The following LRRC4C variants were observed in gnomAD, a reference collection of about 807,000 sequenced individuals.
LRRC4C encodes the protein leucine rich repeat containing 4C.
A neutral mutation model predicts 33.6 loss-of-function variants in LRRC4C; 5 were observed. The observed-to-expected ratio is 0.15, with a 90% CI of 0.08 to 0.31. The LOEUF (loss-of-function observed/expected upper bound fraction) is 0.31, where lower values mean the gene tolerates loss of function less well. LRRC4C is among the 10% of genes least tolerant of loss of function. LRRC4C has a pLI of 1.00. For synonymous variants in LRRC4C, 329 were observed against 302.0 expected, an observed-to-expected ratio of 1.09 and a Z score of -0.93; for missense variants, 560 against 796.7, an observed-to-expected ratio of 0.70 and a Z score of 3.58.
chr11:41,331,948 T>C (rs1381814367), intron 1 of LRRC4C, among the ~76,000 whole-genome samples: 1 of 152,216 alleles, frequency 6.6e-6, no homozygotes, highest in Non-Finnish European at 1.5e-5. Context: ...TAAAATTGCC[T>C]GCACTCCCAT....
intron 3 of LRRC4C, among the ~76,000 whole-genome samples, chr11:40,323,822 T>C (rs1850862267): frequency 6.6e-6 from 1 of 152,194 alleles, no homozygotes; most frequent in South Asian, 2.1e-4. Flanking sequence ...TAGAATAATA[T>C]GACATAGTCT....
chr11:40,963,994 C>T (rs940985657), intron 1 of LRRC4C, among the ~76,000 whole-genome samples: 1 of 151,456 alleles, frequency 6.6e-6, no homozygotes, highest in Non-Finnish European at 1.5e-5. Context: ...GGTAGGTGGT[C>T]TTGGATCATT....
chr11:41,417,638 C>T (rs1333689999), intron 1 of LRRC4C, among the ~76,000 whole-genome samples: 3 of 151,926 alleles, frequency 2.0e-5, no homozygotes, highest in Admixed American at 2.0e-4. Flanking sequence ...CAGCCCAGCC[C>T]TTAAAGGTTT....
At chr11:40,496,091 A>G (rs1358947141) in intron 3 of LRRC4C, among the ~76,000 whole-genome samples, 1 of 152,064 alleles carries the variant, frequency 6.6e-6, no homozygotes, top group Non-Finnish European at 1.5e-5. Flanking sequence ...TTGGCATCCC[A>G]AGTGCTAGGA....
chr11:40,816,263 T>C (rs1951701853), intron 2 of LRRC4C, among the ~76,000 whole-genome samples: 1 of 152,214 alleles, frequency 6.6e-6, no homozygotes, highest in East Asian at 1.9e-4. Context: ...AGCAAAAGCT[T>C]GACAATAGCT....
intron 1 of LRRC4C, among the ~76,000 whole-genome samples, chr11:40,960,322 T>A (rs1850889048): frequency 6.6e-6 from 1 of 151,832 alleles, no homozygotes; most frequent in Non-Finnish European, 1.5e-5. Context: ...TAATTAGATG[T>A]CAATGATATG....
At chr11:41,228,204 T>C (rs1330352354) in intron 1 of LRRC4C, among the ~76,000 whole-genome samples, 1 of 152,106 alleles carries the variant, frequency 6.6e-6, no homozygotes, top group Non-Finnish European at 1.5e-5. Flanking sequence ...ATCTCACCCT[T>C]TCTTTGGGTT....
intron 3 of LRRC4C, among the ~76,000 whole-genome samples, chr11:40,553,481 T>A (rs1043773310): frequency 6.6e-6 from 1 of 152,214 alleles, no homozygotes; most frequent in Non-Finnish European, 1.5e-5. Flanking sequence ...ATTTTCTCTA[T>A]TGTCACTATC....
intron 1 of LRRC4C, among the ~76,000 whole-genome samples, chr11:41,063,870 C>T (rs557246244): frequency 1.4e-4 from 21 of 152,228 alleles, no homozygotes; most frequent in Admixed American, 1.4e-3. Context: ...TCAATCAGAT[C>T]ATAGTAAGTG....
At chr11:41,387,006 C>G (rs1290525901) in intron 1 of LRRC4C, among the ~76,000 whole-genome samples, 1 of 151,658 alleles carries the variant, frequency 6.6e-6, no homozygotes, top group Admixed American at 6.6e-5. Flanking sequence ...CCTGTAAATT[C>G]CCAGTTGCTA....
intron 1 of LRRC4C, among the ~76,000 whole-genome samples, chr11:41,106,339 T>C (rs904645927): frequency 6.6e-6 from 1 of 151,990 alleles, no homozygotes; most frequent in African/African-American, 2.4e-5. Flanking sequence ...TGGTTAACTA[T>C]GCTAATAGCT....
At chr11:40,435,900 C>A (rs1355807956) in intron 3 of LRRC4C, among the ~76,000 whole-genome samples, 11 of 152,234 alleles carry the variant, frequency 7.2e-5, no homozygotes, top group African/African-American at 2.6e-4. Flanking sequence ...TTATTCTTAT[C>A]TTTCTGTGCT....
intron 1 of LRRC4C, among the ~76,000 whole-genome samples, chr11:41,342,769 A>G (rs558048027): frequency 2.0e-4 from 30 of 152,308 alleles, no homozygotes; most frequent in Admixed American, 8.5e-4. Flanking sequence ...GTATTTTGTC[A>G]TAAACAAGCC....
chr11:40,722,062 GT>G (rs1183660755), intron 2 of LRRC4C, among the ~76,000 whole-genome samples: 1 of 152,118 alleles, frequency 6.6e-6, no homozygotes, highest in African/African-American at 2.4e-5. Context: ...GTTGTATTAC[GT>G]TTTTACATCC....
chr11:40,966,208 G>A (rs1178472114), intron 1 of LRRC4C, among the ~76,000 whole-genome samples: 1 of 151,830 alleles, frequency 6.6e-6, no homozygotes, highest in East Asian at 1.9e-4. Context: ...TCAATACAGT[G>A]CAACATGTCA....
intron 5 of LRRC4C, among the ~76,000 whole-genome samples, chr11:40,236,701 C>A (rs1406225476): frequency 6.6e-6 from 1 of 152,114 alleles, no homozygotes; most frequent in East Asian, 1.9e-4. Context: ...AATGGCAAAG[C>A]CATTAACATA....
chr11:41,419,773 A>G (rs1591477895), intron 1 of LRRC4C, among the ~76,000 whole-genome samples: 1 of 151,916 alleles, frequency 6.6e-6, no homozygotes, highest in Non-Finnish European at 1.5e-5. Flanking sequence ...ACACAGAGGT[A>G]AAGTCACATA....
intron 2 of LRRC4C, among the ~76,000 whole-genome samples, chr11:40,777,712 G>T (rs1315839312): frequency 6.6e-6 from 1 of 150,974 alleles, no homozygotes; most frequent in Non-Finnish European, 1.5e-5. Context: ...TTTTGAGATG[G>T]AGTCTTTCTC....
chr11:40,826,246 C>T (rs1009426105), intron 2 of LRRC4C, among the ~76,000 whole-genome samples: 2 of 151,944 alleles, frequency 1.3e-5, no homozygotes, highest in Non-Finnish European at 2.9e-5. Context: ...AATATGTAGT[C>T]AATGCATGTT....
Sources: gnomAD v4.1 joint callset for allele counts (sites outside exome capture counted in the v4.1 genomes callset) on GRCh38, gnomAD v4.1.1 for gene constraint, MANE v1.5 for transcripts, NCBI Gene and HGNC (gene_info 2026-07-23, HGNC 2026-07-21) for gene names.